SCHIP1: variants seen among roughly 807,000 people sequenced by gnomAD.
SCHIP1 encodes schwannomin-interacting protein 1.
SCHIP1 carries 8 observed loss-of-function variants against 29.7 expected under a neutral mutation model. The ratio of observed to expected loss-of-function variants is 0.27; its 90% CI spans 0.16 to 0.49. The LOEUF is 0.49. Ranked by LOEUF, SCHIP1 falls within the 20% of genes least tolerant of loss-of-function variation. The pLI is 0.99. For synonymous variants in SCHIP1, 76 were observed against 94.9 expected, an observed-to-expected ratio of 0.80 and a Z score of 1.16; for missense variants, 193 against 294.6, an observed-to-expected ratio of 0.66 and a Z score of 2.52.
chr3:159,347,213 G>A, the SCHIP1 span, among the ~76,000 whole-genome samples: 3 of 152,178 alleles, frequency 2.0e-5, no homozygotes, highest in South Asian at 2.1e-4. Flanking sequence ...GACCACAGTA[G>A]GAGAAAACAA....
At chr3:159,331,282 G>A in the SCHIP1 span, among the ~76,000 whole-genome samples, 1 of 152,100 alleles carries the variant, frequency 6.6e-6, no homozygotes, top group Non-Finnish European at 1.5e-5. Flanking sequence ...CTGGGGAGTG[G>A]GGTCATTGAT....
At chr3:159,451,067 G>A in the SCHIP1 span, among the ~76,000 whole-genome samples, 3 of 152,006 alleles carry the variant, frequency 2.0e-5, no homozygotes, top group Non-Finnish European at 2.9e-5. Flanking sequence ...CTCGGCCTCC[G>A]AAGTACTGGG....
chr3:159,685,578 A>G, the SCHIP1 span, among the ~76,000 whole-genome samples: 9 of 152,314 alleles, frequency 5.9e-5, no homozygotes, highest in African/African-American at 1.7e-4. Flanking sequence ...AACCCTTATA[A>G]GAAGAGCTTG....
At chr3:159,707,569 C>A in the SCHIP1 span, among the ~76,000 whole-genome samples, 1 of 152,054 alleles carries the variant, frequency 6.6e-6, no homozygotes, top group African/African-American at 2.4e-5. Context: ...CAAAACAGTC[C>A]ATTCTTGGAT....
At chr3:159,626,251 T>TATAG in the SCHIP1 span, among the ~76,000 whole-genome samples, 14,134 of 93,140 alleles carry the variant, frequency 0.15, 1,166 homozygotes, top group Admixed American at 0.18. Context: ...TATCTATCTA[T>TATAG]ATAGATAGAT....
At chr3:159,825,594 T>C in the SCHIP1 span, among the ~76,000 whole-genome samples, 1 of 152,192 alleles carries the variant, frequency 6.6e-6, no homozygotes, top group Admixed American at 6.5e-5. Context: ...GGCCCTAAAG[T>C]GAGAGAACTT....
At chr3:159,730,376 G>A in the SCHIP1 span, among the ~76,000 whole-genome samples, 2 of 152,336 alleles carry the variant, frequency 1.3e-5, no homozygotes, top group South Asian at 4.1e-4. Flanking sequence ...GATTAAGTGA[G>A]ATTACAGATT....
chr3:159,622,467 G>A, the SCHIP1 span, among the ~76,000 whole-genome samples: 35 of 152,188 alleles, frequency 2.3e-4, no homozygotes, highest in Admixed American at 1.7e-3. Flanking sequence ...ATTTCATGGA[G>A]TAATATACTA....
the SCHIP1 span, among the ~76,000 whole-genome samples, chr3:159,676,799 T>A: frequency 6.6e-6 from 1 of 152,142 alleles, no homozygotes; most frequent in Admixed American, 6.5e-5. Flanking sequence ...ACCATCATCA[T>A]CCAACCACCC....
chr3:159,595,225 A>C, the SCHIP1 span, among the ~76,000 whole-genome samples: 7 of 152,230 alleles, frequency 4.6e-5, no homozygotes, highest in Admixed American at 2.6e-4. Flanking sequence ...TGCTTCTCCA[A>C]CTGTCCTCAA....
At chr3:159,468,816 G>A in the SCHIP1 span, among the ~76,000 whole-genome samples, 11 of 146,224 alleles carry the variant, frequency 7.5e-5, no homozygotes, top group African/African-American at 2.6e-4. Context: ...GCCCTGGCTG[G>A]AGCACAGTAG....
At chr3:159,390,217 A>C in the SCHIP1 span, among the ~76,000 whole-genome samples, 1 of 152,106 alleles carries the variant, frequency 6.6e-6, no homozygotes, top group African/African-American at 2.4e-5. Flanking sequence ...ACTTTTGTGA[A>C]AGTTATAGAT....
At chr3:159,758,706 G>A in the SCHIP1 span, among the ~76,000 whole-genome samples, 7 of 152,290 alleles carry the variant, frequency 4.6e-5, no homozygotes, top group South Asian at 1.0e-3. Context: ...CAACTCCAGA[G>A]GGCACCATTC....
At chr3:159,460,588 A>C in the SCHIP1 span, among the ~76,000 whole-genome samples, 6 of 152,184 alleles carry the variant, frequency 3.9e-5, no homozygotes, top group Non-Finnish European at 5.9e-5. Flanking sequence ...GGTAATCAAC[A>C]TGTCCCTGTC....
the SCHIP1 span, among the ~76,000 whole-genome samples, chr3:159,457,808 A>T: frequency 6.6e-6 from 1 of 152,136 alleles, no homozygotes; most frequent in Non-Finnish European, 1.5e-5. Flanking sequence ...ACAGTAAGAG[A>T]TTAACAATAA....
At chr3:159,327,835 G>T in the SCHIP1 span, among the ~76,000 whole-genome samples, 1 of 152,152 alleles carries the variant, frequency 6.6e-6, no homozygotes, top group East Asian at 1.9e-4. Flanking sequence ...TGGTCAGAAA[G>T]GGTTCCAAGA....
At chr3:159,579,383 T>C in the SCHIP1 span, among the ~76,000 whole-genome samples, 1 of 152,232 alleles carries the variant, frequency 6.6e-6, no homozygotes, top group Non-Finnish European at 1.5e-5. Context: ...TACAGCATAA[T>C]GTGCCTAAAA....
chr3:159,436,237 T>C, the SCHIP1 span, among the ~76,000 whole-genome samples: 2 of 152,302 alleles, frequency 1.3e-5, no homozygotes, highest in Admixed American at 6.5e-5. Flanking sequence ...TTTCCAATCG[T>C]TTAAGACGAA....
intron 6 of SCHIP1, chr3:159,894,426 C>T (rs1325891957): frequency 6.6e-6 from 1 of 152,210 alleles, no homozygotes; most frequent in Non-Finnish European, 1.5e-5. Flanking sequence ...GTTTCCAGAA[C>T]ATGAACAGCC....
Sources: allele counts gnomAD v4.1 joint callset (sites outside exome capture counted in the v4.1 genomes callset), GRCh38; gene constraint gnomAD v4.1.1; transcripts MANE v1.5; gene names NCBI Gene and HGNC (gene_info 2026-07-23, HGNC 2026-07-21).